DLG2: variants seen among roughly 807,000 people sequenced by gnomAD.
DLG2 encodes discs large MAGUK scaffold protein 2.
DLG2 carries 45 observed loss-of-function variants against 132.5 expected under a neutral mutation model. That is an observed-to-expected ratio of 0.34 (90% CI 0.27 to 0.44). The LOEUF (loss-of-function observed/expected upper bound fraction) is 0.44. Among genes scored for constraint, DLG2 ranks in the 20% least tolerant of loss-of-function variants. DLG2 has a pLI of 1.00. For missense variants in DLG2, 1,045 were observed against 1,196.9 expected (o/e 0.87, Z 1.87); for synonymous variants, 424 against 419.6 (o/e 1.01, Z -0.13).
At chr11:84,016,165 C>A (rs1363403397) in intron 11 of DLG2, among the ~76,000 whole-genome samples, 2 of 151,970 alleles carry the variant, frequency 1.3e-5, no homozygotes, top group African/African-American at 4.8e-5. Flanking sequence ...TGTTTGTTGG[C>A]CACACCTCTG....
chr11:84,678,162 C>T (rs1035342960), intron 6 of DLG2, among the ~76,000 whole-genome samples: 8 of 152,022 alleles, frequency 5.3e-5, no homozygotes, highest in African/African-American at 1.9e-4. Context: ...TGAGAGCTAA[C>T]CTAGGCCTCC....
chr11:84,445,687 C>G (rs540142374), intron 7 of DLG2, among the ~76,000 whole-genome samples: 1 of 151,898 alleles, frequency 6.6e-6, no homozygotes, highest in South Asian at 2.1e-4. Context: ...GAGGCCGAGG[C>G]GGGTGGATCA....
At chr11:85,232,246 T>C (rs1565192056) in intron 4 of DLG2, among the ~76,000 whole-genome samples, 2 of 151,986 alleles carry the variant, frequency 1.3e-5, no homozygotes, top group Admixed American at 6.6e-5. Context: ...ATTTTTTAGT[T>C]GCCTATGGCA....
chr11:83,780,782 G>A (rs7937829), intron 18 of DLG2, among the ~76,000 whole-genome samples: 105,527 of 151,942 alleles, frequency 0.69, 38,384 homozygotes, highest in African/African-American at 0.91. Flanking sequence ...ACCTATCCCT[G>A]CTAAAACCAC....
intron 5 of DLG2, among the ~76,000 whole-genome samples, chr11:85,141,874 G>A (rs558330101): frequency 2.0e-5 from 3 of 151,888 alleles, no homozygotes; most frequent in African/African-American, 7.2e-5. Context: ...TAGATGTATG[G>A]ATTTATTTTT....
At chr11:84,340,003 A>G (rs1367351734) in intron 7 of DLG2, among the ~76,000 whole-genome samples, 2 of 152,210 alleles carry the variant, frequency 1.3e-5, no homozygotes, top group African/African-American at 2.4e-5. Flanking sequence ...GGGGACTAGT[A>G]TGTTTGCTGA....
At chr11:84,265,577 A>G (rs561963660) in intron 7 of DLG2, among the ~76,000 whole-genome samples, 1 of 152,270 alleles carries the variant, frequency 6.6e-6, no homozygotes, top group Non-Finnish European at 1.5e-5. Context: ...ATTTTCATAT[A>G]ACTACTATGA....
At chr11:83,879,099 A>C (rs542629087) in intron 15 of DLG2, among the ~76,000 whole-genome samples, 224 of 152,316 alleles carry the variant, frequency 1.5e-3, no homozygotes, top group Non-Finnish European at 2.8e-3. Context: ...TTAATTAAGA[A>C]ATTTTTGAGC....
At chr11:84,035,767 G>A (rs1470563046) in intron 11 of DLG2, among the ~76,000 whole-genome samples, 2 of 152,150 alleles carry the variant, frequency 1.3e-5, no homozygotes, top group African/African-American at 2.4e-5. Flanking sequence ...ACAGGGACCA[G>A]TTTGAGTACT....
chr11:85,187,920 G>C (rs1165708620), intron 4 of DLG2, among the ~76,000 whole-genome samples: 1 of 152,144 alleles, frequency 6.6e-6, no homozygotes, highest in Non-Finnish European at 1.5e-5. Context: ...CTAATTGGTA[G>C]TTCAACAGGA....
chr11:85,249,981 G>C (rs1239442152), intron 4 of DLG2, among the ~76,000 whole-genome samples: 1 of 152,112 alleles, frequency 6.6e-6, no homozygotes, highest in African/African-American at 2.4e-5. Flanking sequence ...TACTCTAAAA[G>C]ACCTCAAACT....
chr11:83,556,038 CTG>C (rs1422979236), intron 19 of DLG2, among the ~76,000 whole-genome samples: 1 of 152,202 alleles, frequency 6.6e-6, no homozygotes, highest in African/African-American at 2.4e-5. Flanking sequence ...CAGGATGAAA[CTG>C]TGATTAGTCC....
At chr11:83,544,107 G>A (rs1216536170) in intron 19 of DLG2, among the ~76,000 whole-genome samples, 1 of 152,130 alleles carries the variant, frequency 6.6e-6, no homozygotes, top group Non-Finnish European at 1.5e-5. Flanking sequence ...ACCTGTTGTC[G>A]CAATTTGTTG....
chr11:84,416,537 C>T (rs2098930371), intron 7 of DLG2, among the ~76,000 whole-genome samples: 1 of 152,206 alleles, frequency 6.6e-6, no homozygotes, highest in Non-Finnish European at 1.5e-5. Flanking sequence ...GACAAAATAA[C>T]ATATTCTGCT....
Position 84,923,132 on chromosome 11 carries a change from G to A in DLG2, c.357+188529C>T, listed in dbSNP as rs150675955. 3.2e-3 allele frequency: 5,196 copies of A among 1,613,744 alleles called. 21 individuals are homozygous for A. The highest frequency in any genetic ancestry group is 0.014 in the Middle Eastern group (87 of 6,014). On this transcript the variant is annotated intron_variant, in intron 6 of 27. Transcript: ENST00000376104. ...TGCAAAGAACATTGCAGTAAATAAG[G>A]AGCATATGGACCGGTATTCAGCTTC...
At chr11:85,156,878 A>G (rs986541139) in intron 4 of DLG2, among the ~76,000 whole-genome samples, 2 of 152,178 alleles carry the variant, frequency 1.3e-5, no homozygotes, top group East Asian at 1.9e-4. Flanking sequence ...TCATCTATCT[A>G]TGCATCTCTT....
At chr11:84,389,378 T>G (rs2098783916) in intron 7 of DLG2, among the ~76,000 whole-genome samples, 1 of 152,116 alleles carries the variant, frequency 6.6e-6, no homozygotes, top group Admixed American at 6.6e-5. Flanking sequence ...CATAAAAACC[T>G]GTCCCAAGTC....
Position 84,198,050 on chromosome 11 carries a change from T to C in DLG2, c.574-34539A>G, listed in dbSNP as rs574054216. 1.3e-5 allele frequency among the ~76,000 whole-genome samples: 2 copies of C among 152,324 alleles called. 1 individual carries two copies. Among genetic ancestry groups the C allele is most frequent in the African/African-American group, 4.8e-5 (2 of 41,588 alleles). ...CATAATGATCTAGGAAAGTCAGCCA[T>C]ACTTTTTCTGGGTTTGTGTACCTTC... On this transcript the variant is annotated intron_variant, in intron 8 of 27. Coordinates refer to ENST00000376104, the MANE Select transcript of DLG2 (RefSeq NM_001142699.3).
chr11:84,998,050 ATTAT>A (rs1407408099), intron 6 of DLG2, among the ~76,000 whole-genome samples: 1 of 152,138 alleles, frequency 6.6e-6, no homozygotes, highest in Non-Finnish European at 1.5e-5. Flanking sequence ...AGATAATTTT[ATTAT>A]TTCTTTTTCT....
Sources: gnomAD v4.1 joint callset for allele counts (sites outside exome capture counted in the v4.1 genomes callset) on GRCh38, gnomAD v4.1.1 for gene constraint, MANE v1.5 for transcripts, NCBI Gene and HGNC (gene_info 2026-07-23, HGNC 2026-07-21) for gene names.